The following RGS4 variants were observed in gnomAD, a reference collection of about 807,000 sequenced individuals.
The protein encoded by RGS4 is schizophrenia disorder 9.
A neutral mutation model predicts 21.6 loss-of-function variants in RGS4; 15 were observed. The observed-to-expected ratio is 0.69, with a 90% CI of 0.46 to 1.07. RGS4 has a LOEUF of 1.07. RGS4 is among the 50% of genes least tolerant of loss of function. The pLI, the probability that RGS4 is intolerant of heterozygous loss-of-function variation, is 0.00. For synonymous variants in RGS4, 94 were observed against 85.5 expected (o/e 1.10, Z -0.55); for missense variants, 237 against 239.0 (o/e 0.99, Z 0.06).
At position 163,075,696 on chromosome 1, in the gene RGS4, C is replaced by T. The variant is rs1316725843; in HGVS notation, c.*1136C>T. The T allele has an allele frequency of 2.0e-5, 3 of 152,152 alleles. No homozygotes were observed. The highest frequency in any genetic ancestry group is 2.9e-5 in the Non-Finnish European group (2 of 68,042). The allele number at this position is 152,152 out of a possible 1,614,324, so 9.4% of individuals were successfully genotyped here. On this transcript the variant is annotated 3_prime_UTR_variant, in exon 5 of 5. Transcript: ENST00000367909. ...TCTCATTTTTTCCTGAGAACCTTAG[C>T]CATCAGATGAGGCTCCTTAGTTTAT...
rs1655382323 is a variant in RGS4, at chr1:163,073,332, A to AGG, written c.212-121_212-120dup. 6 of 765,602 alleles carry AGG rather than the reference A, an allele frequency of 7.8e-6. No individual in the cohort carries two copies. The Admixed American group carries it at 1.7e-4, about 22-fold the overall frequency. The allele number at this position is 765,602 out of a possible 1,614,324, so 47.4% of individuals were successfully genotyped here. The stretch of plus-strand genomic sequence containing the variant: ...TGACTCCAGGTGACTTGAAAAAAGC[A>AGG]GGGGAAAAAGGGATTGCTTGAATCC... On this transcript the variant is annotated intron_variant, in intron 3 of 4. Transcript: ENST00000367909.
chr1:163,072,016 TG>T, intron 1 of RGS4: 2 of 992,920 alleles, frequency 2.0e-6, no homozygotes, highest in Admixed American at 6.0e-5. Flanking sequence ...TTGCCGCTAC[TG>T]CTTTCTGATT....
rs5778313 is a variant in RGS4 at position 163,075,102 on chromosome 1, T to TACACAC, written c.*565_*570dup. On this transcript the variant is annotated 3_prime_UTR_variant, in exon 5 of 5. Transcript: ENST00000367909. ...ACATATGTATGTGTGAGTGTATGTA[T>TACACAC]ACACACACACACACACACACACACA... The TACACAC allele has an allele frequency of 1.3e-5, 2 of 155,086 alleles. No homozygotes were observed. Among genetic ancestry groups the TACACAC allele is most frequent in the African/African-American group, 4.9e-5 (2 of 40,774 alleles). The allele number at this position is 155,086 out of a possible 1,614,324, so 9.6% of individuals were successfully genotyped here.
intron 1 of RGS4, 55 bp from the exon 2 acceptor site, chr1:163,072,340 T>G: frequency 3.8e-6 from 5 of 1,316,490 alleles, no homozygotes; most frequent in Non-Finnish European, 5.4e-6. Flanking sequence ...CCATTAGGTA[T>G]CTTTTAAAGA....
intron 4 of RGS4, chr1:163,074,022 A>T (rs542720632): frequency 5.7e-5 from 24 of 419,360 alleles, no homozygotes; most frequent in South Asian, 4.7e-4. Flanking sequence ...TCAGTTTTTT[A>T]AAAAATCTCT....
At chr1:163,073,782 C>T in intron 4 of RGS4, 160 bp downstream of exon 4, 1 of 544,432 alleles carries the variant, frequency 1.8e-6, no homozygotes, top group Non-Finnish European at 3.2e-6. Flanking sequence ...TCCAAATCTC[C>T]TCTTCTAGCT....
rs1655509072 is a variant in RGS4 at position 163,076,601 on chromosome 1, A to T, written c.*2041A>T. ...AATTATTTTATGTAATACATTTTTG[A>T]GTGTGTTTTTCAGTTGTATTTCCCT... is the stretch of plus-strand genomic sequence containing the variant. On this transcript the variant is annotated 3_prime_UTR_variant, in exon 5 of 5. Coordinates refer to ENST00000367909, the MANE Select transcript of RGS4 (RefSeq NM_005613.6). 6.6e-6 allele frequency: 1 copy of T among 152,466 alleles called. No individual in the cohort carries two copies. 9.4% of individuals were successfully genotyped at this position (152,466 alleles called of 1,614,324 possible).
rs888429370 is a variant in RGS4 at position 163,069,444 on chromosome 1, G to C, written c.-41G>C. ...AGCCGAAGCCACAGCTCCTCCTGCC[G>C]CATTTCTTTCCTGCTTGCGAATTCC... On this transcript the variant is annotated 5_prime_UTR_variant, in exon 1 of 5. Transcript: ENST00000367909. 1.2e-6 allele frequency: 2 copies of C among 1,613,108 alleles called. No individual in the cohort carries two copies. Among genetic ancestry groups the C allele is most frequent in the South Asian group, 2.2e-5 (2 of 90,978 alleles).
chr1:163,072,029 C>T, intron 1 of RGS4: 1 of 995,618 alleles, frequency 1.0e-6, no homozygotes, highest in South Asian at 4.6e-5. Flanking sequence ...TTTCTGATTC[C>T]TAAAAATTAC....
At chr1:163,069,559 A>G in intron 1 of RGS4, 31 bp downstream of exon 1, 1 of 1,578,328 alleles carries the variant, frequency 6.3e-7, no homozygotes, top group Non-Finnish European at 8.7e-7. Flanking sequence ...TAACCATATT[A>G]AACTTTTGGC....
chr1:163,069,340 G>A, upstream of RGS4: 1 of 1,552,946 alleles, frequency 6.4e-7, no homozygotes, highest in Admixed American at 2.0e-5. Flanking sequence ...CTATAAAAGA[G>A]ACCCCTACAG....
chr1:163,070,806 T>C (rs1241774038), intron 1 of RGS4: 1 of 152,190 alleles, frequency 6.6e-6, no homozygotes, highest in Non-Finnish European at 1.5e-5. Flanking sequence ...GTAAACTCTA[T>C]GTCAGCAGGA....
rs1312098261 is a variant in RGS4, at chr1:163,074,068, A to G, written c.379-253A>G. ...TGGCTTACCATAACCTCCCTGCATG[A>G]ATTTTTCTGATGAATCTCCCCAATT... On this transcript the variant is annotated intron_variant, in intron 4 of 4. Coordinates refer to ENST00000367909, the MANE Select transcript of RGS4 (RefSeq NM_005613.6). 3 of 521,416 alleles carry G rather than the reference A, an allele frequency of 5.8e-6. No individual in the cohort carries two copies. In the East Asian group the frequency reaches 9.3e-5, roughly 16 times the overall value. 32.3% of individuals were successfully genotyped at this position (521,416 alleles called of 1,614,324 possible).
intron 3 of RGS4, among the ~76,000 whole-genome samples, chr1:163,073,098 A>G (rs1041839069): frequency 8.5e-5 from 13 of 152,326 alleles, no homozygotes; most frequent in African/African-American, 3.1e-4. Flanking sequence ...CATCACAAGG[A>G]AAAACGGAAG....
Position 163,072,452 on chromosome 1 carries a change from A to T in RGS4, c.102A>T (p.Glu34Asp), listed in dbSNP as rs1362029551. Residue 34 changes from glutamate to aspartate, a missense_variant, in exon 2 of 5, where the codon GAA (glutamate) becomes GAT (aspartate). By Grantham distance (45) the Glu-to-Asp change is conservative. Coordinates refer to ENST00000367909, the MANE Select transcript of RGS4 (RefSeq NM_005613.6). ...TGCTGCAAAAATCTGATTCCTGTGA[A>T]CACAATTCTTCCCACAACAAGAAGG... Reference protein sequence around the residue: ...GFLLQKSDSCEHNSSHNKKDK... With the variant: ...GFLLQKSDSCDHNSSHNKKDK... The T allele has an allele frequency of 6.2e-7, 1 of 1,613,146 alleles. No homozygotes were observed. The highest frequency in any genetic ancestry group is 1.7e-5 in the Admixed American group (1 of 59,914).
chr1:163,068,885 A>G (rs1255714328), upstream of RGS4: 1 of 1,291,418 alleles, frequency 7.7e-7, no homozygotes, highest in Non-Finnish European at 1.1e-6. Context: ...CGTGGAGACG[A>G]TGATCCTGCC....
chr1:163,072,250 T>C, intron 1 of RGS4, 145 bp from the exon 2 acceptor site: 1 of 887,188 alleles, frequency 1.1e-6, no homozygotes, highest in Non-Finnish European at 1.6e-6. Flanking sequence ...CTTGTTTTCC[T>C]CAGAGGTCAT....
rs1172030154 is a variant in RGS4 at position 163,069,394 on chromosome 1, CGGA to C, written c.-89_-87del. 19 of 1,595,186 alleles carry C rather than the reference CGGA, an allele frequency of 1.2e-5. No individual in the cohort carries two copies. The Admixed American group carries it at 2.8e-4, about 23-fold the overall frequency. On this transcript the variant is annotated 5_prime_UTR_variant, in exon 1 of 5. Transcript: ENST00000367909. ...CAGAGGATTCTGACAATATCTTTAC[CGGA>C]GAAGAGGCAAAGTACGCTCAAAGCC...
chr1:163,074,605 C>G lies in RGS4; in HGVS notation c.*45C>G. 5 of 1,613,658 alleles carry G rather than the reference C, an allele frequency of 3.1e-6. No individual in the cohort carries two copies. The highest frequency in any genetic ancestry group is 4.2e-6 in the Non-Finnish European group (5 of 1,179,752). On this transcript the variant is annotated 3_prime_UTR_variant, in exon 5 of 5. Transcript: ENST00000367909. ...GGATGAAATGCCAAGACTCTATGCT[C>G]TGGAAAACCTGAGGCCAAATATTGA...
Sources: gnomAD v4.1 joint callset for allele counts (sites outside exome capture counted in the v4.1 genomes callset) on GRCh38, gnomAD v4.1.1 for gene constraint, MANE v1.5 for transcripts, NCBI Gene and HGNC (gene_info 2026-07-23, HGNC 2026-07-21) for gene names.